The following PRPSAP2 variants were observed in gnomAD, a reference collection of about 807,000 sequenced individuals.
PRPSAP2 encodes phosphoribosyl pyrophosphate synthetase associated protein 2, also known as phosphoribosyl pyrophosphate synthase-associated protein 2.
In PRPSAP2, 24 loss-of-function variants were observed where a neutral mutation model predicts 40.6. That is an observed-to-expected ratio of 0.59 (90% CI 0.43 to 0.83). The LOEUF (loss-of-function observed/expected upper bound fraction) is 0.83. PRPSAP2 is among the 40% of genes least tolerant of loss of function. The pLI is 0.00. For synonymous variants in PRPSAP2, 149 were observed against 164.7 expected, an observed-to-expected ratio of 0.90 and a Z score of 0.73; for missense variants, 292 against 465.6, an observed-to-expected ratio of 0.63 and a Z score of 3.43.
intron 9 of PRPSAP2, among the ~76,000 whole-genome samples, chr17:18,913,020 G>A (rs1186276458): frequency 6.6e-6 from 1 of 152,220 alleles, no homozygotes; most frequent in Non-Finnish European, 1.5e-5. Flanking sequence ...GCTTTGCTGG[G>A]AGCAGCCCAT....
At chr17:18,861,066 G>T (rs1252579254) in intron 1 of PRPSAP2, among the ~76,000 whole-genome samples, 1 of 152,100 alleles carries the variant, frequency 6.6e-6, no homozygotes, top group East Asian at 1.9e-4. Context: ...GCCCCATCTC[G>T]ATGATTATTA....
intron 10 of PRPSAP2, among the ~76,000 whole-genome samples, chr17:18,926,273 A>AT (rs778589028): frequency 0.11 from 11,744 of 108,254 alleles, 562 homozygotes; most frequent in Middle Eastern, 0.19. Context: ...ATTTATTTCT[A>AT]TTTTTTTTTT....
intron 8 of PRPSAP2, among the ~76,000 whole-genome samples, chr17:18,897,238 G>C (rs555995949): frequency 6.6e-6 from 1 of 152,210 alleles, no homozygotes; most frequent in Non-Finnish European, 1.5e-5. Context: ...GATGATAGTC[G>C]TGAACCAGCA....
chr17:18,904,417 G>A (rs1041276852), intron 8 of PRPSAP2: 2 of 152,150 alleles, frequency 1.3e-5, no homozygotes, highest in African/African-American at 4.8e-5. Context: ...ACCATGCCCA[G>A]CTAATTTTTG....
At chr17:18,886,693 G>C (rs2039174010) in intron 7 of PRPSAP2, among the ~76,000 whole-genome samples, 1 of 152,074 alleles carries the variant, frequency 6.6e-6, no homozygotes, top group African/African-American at 2.4e-5. Flanking sequence ...GTCTGACAGT[G>C]TCTGTTGCCT....
chr17:18,929,989 G>T (rs1026305748), intron 11 of PRPSAP2, among the ~76,000 whole-genome samples: 1 of 152,124 alleles, frequency 6.6e-6, no homozygotes, highest in Non-Finnish European at 1.5e-5. Flanking sequence ...AGTTGGGGGG[G>T]GGCTCCAGTT....
intron 8 of PRPSAP2, among the ~76,000 whole-genome samples, chr17:18,899,804 G>T (rs1597664031): frequency 6.6e-6 from 1 of 152,120 alleles, no homozygotes; most frequent in East Asian, 1.9e-4. Flanking sequence ...CTAAAGTGCT[G>T]GGATTACAGG....
chr17:18,890,708 T>G (rs1377798724), intron 8 of PRPSAP2, among the ~76,000 whole-genome samples: 1 of 152,228 alleles, frequency 6.6e-6, no homozygotes, highest in Admixed American at 6.5e-5. Context: ...AGTCTTTGAG[T>G]CTGGCGTTTA....
intron 6 of PRPSAP2, among the ~76,000 whole-genome samples, chr17:18,879,523 G>A (rs564162608): frequency 4.6e-5 from 7 of 151,926 alleles, no homozygotes; most frequent in Non-Finnish European, 8.8e-5. Context: ...GCGTGATCTC[G>A]GCTCACCGCA....
In PRPSAP2 at chr17:18,884,135, C is replaced by T. The variant is rs574335641; in HGVS notation, c.528+1452C>T. On this transcript the variant is annotated intron_variant, in intron 7 of 11. Coordinates refer to ENST00000268835, the MANE Select transcript of PRPSAP2 (RefSeq NM_002767.4). ...ATACATAATTAGCTGGATGTGGTGG[C>T]GCGTGCCTGTAATCCCAGTTACTTG... is the stretch of plus-strand genomic sequence containing the variant. Among the ~76,000 whole-genome samples, 15 of 152,014 alleles carry T rather than the reference C, an allele frequency of 9.9e-5. No individual in the cohort carries two copies. The South Asian group carries it at 2.1e-3, about 21-fold the overall frequency.
At chr17:18,869,115 TG>T (rs1168870985) in intron 4 of PRPSAP2, among the ~76,000 whole-genome samples, 1 of 152,132 alleles carries the variant, frequency 6.6e-6, no homozygotes, top group Non-Finnish European at 1.5e-5. Context: ...GGAGAAGCAG[TG>T]GCATAAGACT....
chr17:18,859,390 T>G (rs376176312), intron 1 of PRPSAP2: 1 of 152,260 alleles, frequency 6.6e-6, no homozygotes, highest in Admixed American at 6.5e-5. Flanking sequence ...AGACAGGCTG[T>G]GCAGCCCACT....
At chr17:18,892,745 A>ATTTATTTT (rs57347460) in intron 8 of PRPSAP2, among the ~76,000 whole-genome samples, 1,434 of 125,756 alleles carry the variant, frequency 0.011, 43 homozygotes, top group Middle Eastern at 0.027. Flanking sequence ...TTATTTATTT[A>ATTTATTTT]TTTTTTTGAG....
chr17:18,924,891 A>G (rs947329004), intron 10 of PRPSAP2, among the ~76,000 whole-genome samples: 5 of 152,140 alleles, frequency 3.3e-5, no homozygotes, highest in African/African-American at 9.7e-5. Context: ...AGGCCAAGGC[A>G]GGCAGATCAC....
chr17:18,901,442 C>A (rs563867126), intron 8 of PRPSAP2, among the ~76,000 whole-genome samples: 41 of 152,226 alleles, frequency 2.7e-4, no homozygotes, highest in African/African-American at 9.4e-4. Flanking sequence ...TGCAGTGGCA[C>A]GATCTTGGCT....
intron 8 of PRPSAP2, among the ~76,000 whole-genome samples, chr17:18,909,757 T>C (rs1477609506): frequency 6.6e-6 from 1 of 151,604 alleles, no homozygotes; most frequent in East Asian, 2.0e-4. Context: ...ATACAAAAAT[T>C]AGCCAGGCGT....
intron 9 of PRPSAP2, among the ~76,000 whole-genome samples, chr17:18,916,589 T>G (rs747285512): frequency 6.6e-6 from 1 of 151,820 alleles, no homozygotes; most frequent in Non-Finnish European, 1.5e-5. Flanking sequence ...TCCATGATGG[T>G]CAGGCTGGTC....
In PRPSAP2 at chr17:18,882,733, G is replaced by C. The variant is rs777881909; in HGVS notation, c.528+50G>C. Reference sequence around the variant, plus strand: ...TTTAACATTCTGATTAAGGTTGAAAGATGTATTTCCATTTCCTTAGGATAC... The same window carrying C: ...TTTAACATTCTGATTAAGGTTGAAACATGTATTTCCATTTCCTTAGGATAC... On this transcript the variant is annotated intron_variant, in intron 7 of 11. Coordinates refer to ENST00000268835, the MANE Select transcript of PRPSAP2 (RefSeq NM_002767.4). 6 of 1,224,360 alleles carry C rather than the reference G, an allele frequency of 4.9e-6. No homozygotes were observed. The African/African-American group carries it at 7.5e-5, about 15-fold the overall frequency. The allele number at this position is 1,224,360 out of a possible 1,614,324, so 75.8% of individuals were successfully genotyped here. A position where few individuals can be genotyped will look rare whatever the true frequency, so the allele number is the denominator to read the frequency against.
intron 4 of PRPSAP2, 118 bp from the exon 5 acceptor site, chr17:18,872,465 T>TA: frequency 1.3e-6 from 1 of 749,538 alleles, no homozygotes; most frequent in Non-Finnish European, 2.3e-6. Flanking sequence ...TACTGAGTCT[T>TA]ATAACAGTTT....
Sources: allele counts gnomAD v4.1 joint callset (sites outside exome capture counted in the v4.1 genomes callset), GRCh38; gene constraint gnomAD v4.1.1; transcripts MANE v1.5; gene names NCBI Gene and HGNC (gene_info 2026-07-23, HGNC 2026-07-21).